Variants in UFSP2 observed in about 807,000 individuals in gnomAD.
UFSP2 encodes the protein UFM1 specific peptidase 2.
In UFSP2, 43 loss-of-function variants were observed where a neutral mutation model predicts 60.2. The ratio of observed to expected loss-of-function variants is 0.71; its 90% confidence interval spans 0.56 to 0.92. The LOEUF (loss-of-function observed/expected upper bound fraction) is 0.92. Among genes scored for constraint, UFSP2 ranks in the 40% least tolerant of loss-of-function variants. UFSP2 has a pLI of 0.00. For synonymous variants in UFSP2, 183 were observed against 195.1 expected (o/e 0.94, Z 0.52); for missense variants, 520 against 575.0 (o/e 0.90, Z 0.98).
chr4:185,402,693 C>T (rs981403934), intron 11 of UFSP2, among the ~76,000 whole-genome samples: 4 of 152,186 alleles, frequency 2.6e-5, no homozygotes, highest in Admixed American at 6.5e-5. Flanking sequence ...CCAGGCTGGT[C>T]TCGAATTCCT....
Position 185,400,456 on chromosome 4 carries a change from G to T in UFSP2, c.1346C>A (p.Pro449Gln). 6.2e-7 allele frequency: 1 copy of T among 1,613,732 alleles called. No homozygotes were observed. The highest frequency in any genetic ancestry group is 1.1e-5 in the South Asian group (1 of 91,044). Residue 449 changes from proline (P) to glutamine (Q), a missense_variant, in exon 12 of 12, where the codon CCA (proline) becomes CAA (glutamine). Physicochemically the swap from Pro to Gln is moderately conservative, Grantham distance 76. Transcript: ENST00000264689. Reference sequence around the variant, plus strand: ...GTATGCATCCTTGTTCCAAAAATCTGGGCCCTTCCATCCGCACCAGCCCTG... The same window carrying T: ...GTATGCATCCTTGTTCCAAAAATCTTGGCCCTTCCATCCGCACCAGCCCTG... ...LEKGWCGWKG[P>Q]DFWNKDAYYN...
In UFSP2 at chr4:185,408,021, C is replaced by A; in HGVS notation, c.1036G>T (p.Gly346Ter). The change falls in exon 9 of 12, where the codon GGA becomes TGA. Residue 346 changes from glycine (G) to a stop codon, truncating the protein, a stop_gained. Transcript: ENST00000264689. LOFTEE classifies it high-confidence loss of function. The stretch of plus-strand genomic sequence containing the variant: ...ATAGATCCAATCCATTGCCGCGATC[C>A]GACAAATGTTGCTGGTTTGTCCCCG... Reference protein sequence around the residue: ...DAGDKPATFVGSRQWIGSIEV... With the variant: ...DAGDKPATFV 1 of 1,613,936 alleles carries A rather than the reference C, an allele frequency of 6.2e-7. No individual in the cohort carries two copies. Among genetic ancestry groups the A allele is most frequent in the Admixed American group, 1.7e-5 (1 of 60,008 alleles).
At chr4:185,422,923 A>G (rs2153295841) in intron 1 of UFSP2, among the ~76,000 whole-genome samples, 1 of 152,296 alleles carries the variant, frequency 6.6e-6, no homozygotes, top group Non-Finnish European at 1.5e-5. Context: ...CAGTGGCACA[A>G]TCTCAGCTCA....
intron 1 of UFSP2, among the ~76,000 whole-genome samples, chr4:185,425,070 G>GGAT (rs2095556873): frequency 6.6e-6 from 1 of 152,212 alleles, no homozygotes; most frequent in Non-Finnish European, 1.5e-5. Context: ...TCAAGGCCAA[G>GGAT]GATGGTAAGA....
Position 185,400,062 on chromosome 4 carries a change from T to G in UFSP2, c.*330A>C, listed in dbSNP as rs150877173. Reference sequence around the variant, plus strand: ...AAGTCTGAAGAACGCCTTCATTTCATGCAAATCTATAAGCTCCTGCTTTTG... The same window carrying G: ...AAGTCTGAAGAACGCCTTCATTTCAGGCAAATCTATAAGCTCCTGCTTTTG... On this transcript the variant is annotated 3_prime_UTR_variant, in exon 12 of 12. Coordinates refer to ENST00000264689, the MANE Select transcript of UFSP2 (RefSeq NM_018359.5). 4 of 1,519,594 alleles carry G rather than the reference T, an allele frequency of 2.6e-6. No individual in the cohort carries two copies. Among genetic ancestry groups the G allele is most frequent in the Non-Finnish European group, 3.6e-6 (4 of 1,106,374 alleles). 94.1% of individuals were successfully genotyped at this position (1,519,594 alleles called of 1,614,324 possible).
chr4:185,406,060 C>T, intron 9 of UFSP2: 2 of 1,111,094 alleles, frequency 1.8e-6, no homozygotes, highest in South Asian at 2.8e-5. Flanking sequence ...CTTAAGGCCA[C>T]CAAGTGTGCT....
intron 10 of UFSP2, among the ~76,000 whole-genome samples, chr4:185,404,689 G>A (rs113379355): frequency 6.6e-6 from 1 of 151,780 alleles, no homozygotes; most frequent in Non-Finnish European, 1.5e-5. Flanking sequence ...CAGCTCAAGC[G>A]ATTCTCCTGT....
intron 9 of UFSP2, among the ~76,000 whole-genome samples, chr4:185,407,284 C>T (rs1328264861): frequency 1.3e-5 from 2 of 151,746 alleles, no homozygotes; most frequent in Non-Finnish European, 2.9e-5. Flanking sequence ...AAACTCCTGA[C>T]CTCAGGGGAT....
chr4:185,402,531 A>C (rs1038935546), intron 11 of UFSP2, among the ~76,000 whole-genome samples: 4 of 152,180 alleles, frequency 2.6e-5, no homozygotes, highest in African/African-American at 9.7e-5. Context: ...GCTGGGGTGC[A>C]ATGGCGCCAT....
At position 185,399,636 on chromosome 4, in the gene UFSP2, C is replaced by G. The variant is rs151013033; in HGVS notation, c.*756G>C. The G allele has an allele frequency of 1.6e-4, 258 of 1,613,980 alleles. No homozygotes were observed. Among genetic ancestry groups the G allele is most frequent in the Non-Finnish European group, 2.0e-4 (236 of 1,180,010 alleles). On this transcript the variant is annotated 3_prime_UTR_variant, in exon 12 of 12. Coordinates refer to ENST00000264689, the MANE Select transcript of UFSP2 (RefSeq NM_018359.5). ...GGTCATGTGGATTTCCAGACTGTGC[C>G]AAGTTTCTTACAACAATTAAATGTA...
rs3733646 is a variant in UFSP2, at chr4:185,400,293, C to T, written c.*99G>A. ...CTTTGAAAAAGGTCATAATTTAAAT[C>T]GTCAAACTAGAACCAGGATTTAATG... is the stretch of plus-strand genomic sequence containing the variant. On this transcript the variant is annotated 3_prime_UTR_variant, in exon 12 of 12. Coordinates refer to ENST00000264689, the MANE Select transcript of UFSP2 (RefSeq NM_018359.5). 8 of 995,994 alleles carry T rather than the reference C, an allele frequency of 8.0e-6. No homozygotes were observed. The highest frequency in any genetic ancestry group is 4.9e-5 in the Admixed American group (2 of 40,830). The allele number at this position is 995,994 out of a possible 1,614,324, so 61.7% of individuals were successfully genotyped here. A position where few individuals can be genotyped will look rare whatever the true frequency, so the allele number is the denominator to read the frequency against.
At chr4:185,403,990 AC>A (rs2095516735) in intron 10 of UFSP2, among the ~76,000 whole-genome samples, 4 of 149,606 alleles carry the variant, frequency 2.7e-5, no homozygotes, top group African/African-American at 9.8e-5. Flanking sequence ...AAAAAAAACA[AC>A]ATTACTTTGC....
chr4:185,399,972 C>A lies in UFSP2; in HGVS notation c.*420G>T. On this transcript the variant is annotated 3_prime_UTR_variant, in exon 12 of 12. Coordinates refer to ENST00000264689, the MANE Select transcript of UFSP2 (RefSeq NM_018359.5). ...ATGGTGGAAGTTTGGGGATAAAACT[C>A]TTTTTAAAAAAAAGTTTTTAATGTT... The A allele has an allele frequency of 1.3e-6, 2 of 1,592,292 alleles. No homozygotes were observed. Among genetic ancestry groups the A allele is most frequent in the South Asian group, 2.3e-5 (2 of 86,762 alleles).
intron 7 of UFSP2, among the ~76,000 whole-genome samples, 199 bp downstream of exon 7, chr4:185,413,527 G>A (rs949382513): frequency 7.9e-5 from 12 of 152,156 alleles, no homozygotes; most frequent in Non-Finnish European, 1.5e-4. Context: ...GATAAATGTG[G>A]TATATCTACC....
intron 9 of UFSP2, among the ~76,000 whole-genome samples, chr4:185,407,024 T>C (rs922970561): frequency 3.3e-5 from 5 of 149,882 alleles, no homozygotes; most frequent in African/African-American, 9.8e-5. Flanking sequence ...TTTCTTTTTT[T>C]TTTTTTTTTT....
Position 185,400,149 on chromosome 4 carries a change from A to G in UFSP2, c.*243T>C. On this transcript the variant is annotated 3_prime_UTR_variant, in exon 12 of 12. Transcript: ENST00000264689. ...AGGACGAAAAACTTTCTTCCAAGTG[A>G]AGATCCATTTAAGAACACATGTATT... is the stretch of plus-strand genomic sequence containing the variant. 1 of 876,786 alleles carries G rather than the reference A, an allele frequency of 1.1e-6. No individual in the cohort carries two copies. Among genetic ancestry groups the G allele is most frequent in the South Asian group, 1.7e-5 (1 of 59,058 alleles). The allele number at this position is 876,786 out of a possible 1,614,324, so 54.3% of individuals were successfully genotyped here.
intron 10 of UFSP2, among the ~76,000 whole-genome samples, chr4:185,404,993 C>T (rs1448486480): frequency 6.9e-6 from 1 of 144,236 alleles, no homozygotes; most frequent in African/African-American, 2.5e-5. Flanking sequence ...CATCAGCCTA[C>T]CTCCATTTCT....
chr4:185,407,017 C>CTTTTTTTTTTTTTTTTTTTTATAAATTTT (rs2095521514), intron 9 of UFSP2, among the ~76,000 whole-genome samples: 1 of 99,094 alleles, frequency 1.0e-5, no homozygotes, highest in African/African-American at 3.5e-5. Flanking sequence ...TTTGGCTTTT[C>CTTTTTTTTTTTTTTTTTTTTATAAATTTT]TTTTTTTTTT....
chr4:185,414,510 C>T (rs2095534948), intron 6 of UFSP2, among the ~76,000 whole-genome samples: 1 of 152,192 alleles, frequency 6.6e-6, no homozygotes, highest in Admixed American at 6.5e-5. Flanking sequence ...ATTGCTTCTA[C>T]AAACCAAGTC....
Sources: allele counts gnomAD v4.1 joint callset (sites outside exome capture counted in the v4.1 genomes callset), GRCh38; gene constraint gnomAD v4.1.1; transcripts MANE v1.5; gene names NCBI Gene and HGNC (gene_info 2026-07-23, HGNC 2026-07-21).